Variants in SLC26A5 observed in about 807,000 individuals in gnomAD.
The protein encoded by SLC26A5 is solute carrier family 26 member 5.
Under a neutral mutation model 81.0 loss-of-function variants are expected in SLC26A5, and 51 were observed. The observed-to-expected ratio is 0.63, with a 90% CI of 0.50 to 0.80. SLC26A5 has a LOEUF of 0.80. Among genes scored for constraint, SLC26A5 ranks in the 30% least tolerant of loss-of-function variants. The pLI, the probability that SLC26A5 is intolerant of heterozygous loss-of-function variation, is 0.00. For missense variants in SLC26A5, 771 were observed against 905.8 expected, an observed-to-expected ratio of 0.85 and a Z score of 1.91; for synonymous variants, 325 against 332.8, an observed-to-expected ratio of 0.98 and a Z score of 0.25.
intron 2 of SLC26A5, among the ~76,000 whole-genome samples, chr7:103,423,477 T>G (rs909010265): frequency 6.6e-6 from 1 of 152,200 alleles, no homozygotes; most frequent in Admixed American, 6.5e-5. Context: ...AAATTCAAGT[T>G]GAAACTTAAC....
chr7:103,424,707 T>C (rs186401151), intron 2 of SLC26A5, among the ~76,000 whole-genome samples: 1 of 152,316 alleles, frequency 6.6e-6, no homozygotes, highest in East Asian at 1.9e-4. Flanking sequence ...CCATTGATTT[T>C]CCTGTTACCC....
At chr7:103,377,880 C>G in intron 17 of SLC26A5, 81 bp from the exon 18 acceptor site, 1 of 1,378,656 alleles carries the variant, frequency 7.3e-7, no homozygotes, top group Middle Eastern at 2.4e-4. Context: ...AATGGAAAAT[C>G]TGCTCTTGTG....
rs940745870 is a variant in SLC26A5, at chr7:103,357,448, C to A, written c.2042-4522G>T. Among the ~76,000 whole-genome samples the A allele has an allele frequency of 3.3e-5, 5 of 151,878 alleles. No individual in the cohort carries two copies. In the South Asian group the frequency reaches 1.0e-3, roughly 31 times the overall value. ...AGCTGATTATTTTGGTTTTCGTCTT[C>A]ATGGTTCTAATGGATATTGCTATAT... On this transcript the variant is annotated intron_variant, in intron 19 of 19. Transcript: ENST00000339444.
At chr7:103,383,541 T>A (rs936443093) in intron 14 of SLC26A5, among the ~76,000 whole-genome samples, 15 of 152,158 alleles carry the variant, frequency 9.9e-5, no homozygotes, top group Admixed American at 3.3e-4. Flanking sequence ...AGCAAGAAAG[T>A]CTCTTTTAAT....
At chr7:103,353,141 A>G (rs889692620) in intron 19 of SLC26A5, among the ~76,000 whole-genome samples, 1 of 152,134 alleles carries the variant, frequency 6.6e-6, no homozygotes, top group East Asian at 1.9e-4. Context: ...GTAGAACACC[A>G]TTTCAGGTTA....
intron 4 of SLC26A5, among the ~76,000 whole-genome samples, chr7:103,417,064 C>G (rs1319200001): frequency 6.6e-6 from 1 of 151,986 alleles, no homozygotes; most frequent in Non-Finnish European, 1.5e-5. Flanking sequence ...CTGAATTATT[C>G]CCTGATTTGA....
At chr7:103,407,722 G>A (rs917022218) in intron 8 of SLC26A5, 129 bp downstream of exon 8, 33 of 1,037,334 alleles carry the variant, frequency 3.2e-5, no homozygotes, top group Non-Finnish European at 4.5e-5. Context: ...TGTCAAATTT[G>A]ACAAATTGTA....
chr7:103,354,058 C>T, intron 19 of SLC26A5: 1 of 916,406 alleles, frequency 1.1e-6, no homozygotes, highest in Admixed American at 3.1e-5. Flanking sequence ...GTTAAGAAAC[C>T]AAAAATTAAA....
At chr7:103,384,662 C>G (rs142031864) in intron 14 of SLC26A5, among the ~76,000 whole-genome samples, 2 of 152,070 alleles carry the variant, frequency 1.3e-5, no homozygotes, top group Non-Finnish European at 2.9e-5. Flanking sequence ...TGCAAAAACT[C>G]ACATCTGAGT....
At chr7:103,358,455 C>A (rs1820169196) in intron 19 of SLC26A5, among the ~76,000 whole-genome samples, 1 of 152,106 alleles carries the variant, frequency 6.6e-6, no homozygotes, top group South Asian at 2.1e-4. Context: ...GATATGGGGC[C>A]TCCAGGATTG....
chr7:103,417,326 C>G (rs539120463), intron 4 of SLC26A5, among the ~76,000 whole-genome samples: 1 of 147,594 alleles, frequency 6.8e-6, no homozygotes, highest in Admixed American at 6.8e-5. Context: ...GCCGAGATCA[C>G]GCCACTGCAC....
intron 10 of SLC26A5, 106 bp from the exon 11 acceptor site, chr7:103,391,841 C>T: frequency 2.3e-6 from 2 of 858,324 alleles, no homozygotes; most frequent in Non-Finnish European, 3.8e-6. Context: ...CCTATCTCTT[C>T]ATTTTCCTTT....
At chr7:103,445,439 A>C (rs1586429640) in intron 1 of SLC26A5, 1 of 152,380 alleles carries the variant, frequency 6.6e-6, no homozygotes, top group South Asian at 2.1e-4. Flanking sequence ...ATGGCAGAGC[A>C]CCTGCCGCGA....
intron 8 of SLC26A5, among the ~76,000 whole-genome samples, chr7:103,400,691 C>T (rs376873447): frequency 5.9e-5 from 9 of 152,236 alleles, no homozygotes; most frequent in Admixed American, 2.0e-4. Flanking sequence ...AGGGTTTTTA[C>T]GGTTTTAGGC....
At chr7:103,371,811 T>A (rs1821058745), downstream of SLC26A5, among the ~76,000 whole-genome samples, 1 of 151,136 alleles carries the variant, frequency 6.6e-6, no homozygotes, top group Non-Finnish European at 1.5e-5. Context: ...TTCTCCTGCC[T>A]CAGCCTCCCG....
At chr7:103,425,556 T>C (rs549872727) in intron 2 of SLC26A5, among the ~76,000 whole-genome samples, 1 of 152,240 alleles carries the variant, frequency 6.6e-6, no homozygotes, top group African/African-American at 2.4e-5. Context: ...GTTGAAGAAA[T>C]TAATACTGAA....
intron 2 of SLC26A5, among the ~76,000 whole-genome samples, chr7:103,439,722 T>C (rs981112412): frequency 6.6e-6 from 1 of 152,224 alleles, no homozygotes; most frequent in Non-Finnish European, 1.5e-5. Context: ...TTAGTAGAAA[T>C]GGGATTTCAC....
At chr7:103,433,113 T>G (rs1826197425) in intron 2 of SLC26A5, among the ~76,000 whole-genome samples, 1 of 152,158 alleles carries the variant, frequency 6.6e-6, no homozygotes, top group Non-Finnish European at 1.5e-5. Flanking sequence ...TCTTTAGAGC[T>G]CCAGGCTTAT....
intron 12 of SLC26A5, 91 bp downstream of exon 12, chr7:103,390,338 A>G: frequency 8.5e-7 from 1 of 1,175,284 alleles, no homozygotes; most frequent in South Asian, 1.2e-5. Context: ...TACAGTAAAT[A>G]ACCCTAATAT....
Sources: allele counts gnomAD v4.1 joint callset (sites outside exome capture counted in the v4.1 genomes callset), GRCh38; gene constraint gnomAD v4.1.1; transcripts MANE v1.5; gene names NCBI Gene and HGNC (gene_info 2026-07-23, HGNC 2026-07-21).